Variants in LIN52 observed in about 807,000 individuals in gnomAD.
LIN52 encodes lin-52 DREAM MuvB core complex component.
In LIN52, 4 loss-of-function variants were observed where a neutral mutation model predicts 18.5. The ratio of observed to expected loss-of-function variants is 0.22; its 90% CI spans 0.11 to 0.49. LIN52 has a LOEUF of 0.49. Ranked by LOEUF, LIN52 falls within the 20% of genes least tolerant of loss-of-function variation. The pLI is 0.97. For synonymous variants in LIN52, 34 were observed against 45.5 expected (o/e 0.75, Z 1.02); for missense variants, 102 against 139.5 (o/e 0.73, Z 1.35).
rs1331070205 is a variant in LIN52 at position 74,101,247 on chromosome 14, C to T, written c.283+9C>T. Reference sequence around the variant, plus strand: ...GCTGGGGCTGGATGAGTGTGAGTACCCCGATCGCATTTGTTCAGGGGTGTA... The same window carrying T: ...GCTGGGGCTGGATGAGTGTGAGTACTCCGATCGCATTTGTTCAGGGGTGTA... On this transcript the variant is annotated intron_variant, in intron 5 of 5. Transcript: ENST00000555028. 1 of 1,595,850 alleles carries T rather than the reference C, an allele frequency of 6.3e-7. No homozygotes were observed. Among genetic ancestry groups the T allele is most frequent in the Non-Finnish European group, 8.5e-7 (1 of 1,172,818 alleles).
At chr14:74,088,976 T>C (rs1388356223) in intron 1 of LIN52, among the ~76,000 whole-genome samples, 1 of 152,146 alleles carries the variant, frequency 6.6e-6, no homozygotes, top group Admixed American at 6.6e-5. Context: ...ATTCACAGAT[T>C]TAGCTGGGAG....
chr14:74,145,965 A>ATAGATAT (rs2061151229), intron 5 of LIN52, among the ~76,000 whole-genome samples: 1 of 152,290 alleles, frequency 6.6e-6, no homozygotes, highest in South Asian at 2.1e-4. Context: ...AAGACTGCAG[A>ATAGATAT]TTCTATGACG....
intron 5 of LIN52, among the ~76,000 whole-genome samples, chr14:74,121,536 A>T (rs1306802754): frequency 6.6e-6 from 1 of 152,210 alleles, no homozygotes; most frequent in African/African-American, 2.4e-5. Flanking sequence ...TGCCGAAGTT[A>T]GTTAGCAAAT....
At chr14:74,147,644 A>G (rs1210657222) in intron 5 of LIN52, among the ~76,000 whole-genome samples, 1 of 152,236 alleles carries the variant, frequency 6.6e-6, no homozygotes, top group Non-Finnish European at 1.5e-5. Flanking sequence ...GATACATGCA[A>G]TGGAATATTA....
At chr14:74,102,307 C>T (rs1001473061) in intron 5 of LIN52, among the ~76,000 whole-genome samples, 2 of 152,174 alleles carry the variant, frequency 1.3e-5, no homozygotes, top group Non-Finnish European at 2.9e-5. Flanking sequence ...CCTCAGACCT[C>T]TTTATCCTTC....
At chr14:74,142,136 T>C (rs977478405) in intron 5 of LIN52, among the ~76,000 whole-genome samples, 3 of 152,210 alleles carry the variant, frequency 2.0e-5, no homozygotes, top group African/African-American at 4.8e-5. Flanking sequence ...AATAAGAGAA[T>C]CTGTATGCAA....
intron 2 of LIN52, among the ~76,000 whole-genome samples, chr14:74,091,706 G>A (rs1476994895): frequency 1.3e-5 from 2 of 150,752 alleles, no homozygotes; most frequent in Non-Finnish European, 3.0e-5. Context: ...CCCAGGAGGC[G>A]GAGGCTGCAG....
intron 5 of LIN52, among the ~76,000 whole-genome samples, chr14:74,146,562 A>G (rs1028390987): frequency 2.6e-5 from 4 of 152,188 alleles, no homozygotes; most frequent in Admixed American, 6.5e-5. Flanking sequence ...TAGAAAGCCC[A>G]CAGATATTAA....
intron 5 of LIN52, among the ~76,000 whole-genome samples, chr14:74,127,410 G>T (rs1355304736): frequency 1.3e-5 from 2 of 152,202 alleles, no homozygotes; most frequent in African/African-American, 4.8e-5. Context: ...GGTGCACAGT[G>T]TCTTTGAAGA....
intron 5 of LIN52, among the ~76,000 whole-genome samples, chr14:74,173,126 A>G (rs1411345558): frequency 1.3e-5 from 2 of 152,196 alleles, no homozygotes; most frequent in African/African-American, 2.4e-5. Flanking sequence ...TGGATTGCTG[A>G]TTTGGTTATT....
chr14:74,198,782 A>C, intron 5 of LIN52, 140 bp from the exon 6 acceptor site: 1 of 655,760 alleles, frequency 1.5e-6, no homozygotes, highest in East Asian at 2.7e-5. Context: ...CTTTTAGGTT[A>C]GTTGGTGATG....
At chr14:74,085,655 T>C (rs1293591617) in intron 1 of LIN52, 1 of 152,196 alleles carries the variant, frequency 6.6e-6, no homozygotes, top group Non-Finnish European at 1.5e-5. Context: ...GCTGAGTGAA[T>C]TAACGATTTC....
intron 5 of LIN52, among the ~76,000 whole-genome samples, chr14:74,170,592 G>A (rs982918837): frequency 1.3e-5 from 2 of 151,894 alleles, no homozygotes; most frequent in Non-Finnish European, 2.9e-5. Flanking sequence ...GAGTTTAAAT[G>A]TTCCATTTTC....
At chr14:74,195,549 T>TGG (rs2078906795) in intron 5 of LIN52, among the ~76,000 whole-genome samples, 1 of 58,956 alleles carries the variant, frequency 1.7e-5, no homozygotes, top group East Asian at 4.0e-4. Flanking sequence ...TGTGGGTGTG[T>TGG]GTGTGTATGT....
chr14:74,127,601 A>G (rs2139933059), intron 5 of LIN52, among the ~76,000 whole-genome samples: 1 of 152,368 alleles, frequency 6.6e-6, no homozygotes, highest in Non-Finnish European at 1.5e-5. Context: ...GTTTGCAGGA[A>G]GGCAAGTGAG....
At chr14:74,198,508 A>G (rs989159167) in intron 5 of LIN52, among the ~76,000 whole-genome samples, 4 of 152,254 alleles carry the variant, frequency 2.6e-5, no homozygotes, top group African/African-American at 9.6e-5. Context: ...TTTTGATTTG[A>G]GATTATAAAT....
intron 1 of LIN52, among the ~76,000 whole-genome samples, chr14:74,089,692 A>G (rs756621699): frequency 3.3e-5 from 5 of 152,086 alleles, no homozygotes; most frequent in Admixed American, 6.6e-5. Context: ...TTATATGTAA[A>G]TAGAGAGGGA....
At chr14:74,175,711 TACACAC>T (rs35602442) in intron 5 of LIN52, among the ~76,000 whole-genome samples, 8,059 of 86,250 alleles carry the variant, frequency 0.093, 278 homozygotes, top group African/African-American at 0.13. Context: ...CACAGACACA[TACACAC>T]ACACACACAC....
At chr14:74,140,682 G>A (rs1029020721) in intron 5 of LIN52, among the ~76,000 whole-genome samples, 1 of 152,212 alleles carries the variant, frequency 6.6e-6, no homozygotes, top group African/African-American at 2.4e-5. Context: ...GAACCCGCAC[G>A]TGGCTGCCCC....
Sources: allele counts gnomAD v4.1 joint callset (sites outside exome capture counted in the v4.1 genomes callset), GRCh38; gene constraint gnomAD v4.1.1; transcripts MANE v1.5; gene names NCBI Gene and HGNC (gene_info 2026-07-23, HGNC 2026-07-21).